The following WWOX variants were observed in gnomAD, a reference collection of about 807,000 sequenced individuals.
WWOX encodes WW domain-containing oxidoreductase.
WWOX carries 69 observed loss-of-function variants against 46.2 expected under a neutral mutation model. The ratio of observed to expected loss-of-function variants is 1.49; its 90% CI spans 1.23 to 1.82. The LOEUF is 1.82. Ranked by LOEUF, WWOX falls within the 40% of genes most tolerant of loss-of-function variation. The pLI is 0.00. For synonymous variants in WWOX, 359 were observed against 202.6 expected (o/e 1.77, Z -6.56); for missense variants, 919 against 542.6 (o/e 1.69, Z -6.89).
chr16:78,588,412 C>G (rs1463079906), intron 8 of WWOX, among the ~76,000 whole-genome samples: 1 of 152,178 alleles, frequency 6.6e-6, no homozygotes, highest in Non-Finnish European at 1.5e-5. Context: ...CTACTCTGTA[C>G]TCAGATGAGG....
At chr16:78,250,406 C>T (rs575309992) in intron 5 of WWOX, among the ~76,000 whole-genome samples, 4 of 152,176 alleles carry the variant, frequency 2.6e-5, no homozygotes, top group Admixed American at 6.5e-5. Flanking sequence ...GGAACAACAA[C>T]GAACAACATT....
At chr16:78,929,989 C>G (rs1453438432) in intron 8 of WWOX, among the ~76,000 whole-genome samples, 1 of 152,114 alleles carries the variant, frequency 6.6e-6, no homozygotes, top group Non-Finnish European at 1.5e-5. Context: ...GACCGTGTGA[C>G]CATGTGACCC....
At position 78,515,471 on chromosome 16, in the gene WWOX, A is replaced by T. The variant is rs576874236; in HGVS notation, c.1056+82719A>T. Among the ~76,000 whole-genome samples, 7 of 152,224 alleles carry T rather than the reference A, an allele frequency of 4.6e-5. No homozygotes were observed. The East Asian group carries it at 1.4e-3, about 29-fold the overall frequency. On this transcript the variant is annotated intron_variant, in intron 8 of 8. Coordinates refer to ENST00000566780, the MANE Select transcript of WWOX (RefSeq NM_016373.4). The stretch of plus-strand genomic sequence containing the variant: ...ACACCAGCTCTTTTTATTTATTTCT[A>T]ATGGTTTGCTTGGTGTACTGGTCAT...
Position 78,723,579 on chromosome 16 carries a change from T to C in WWOX, c.1056+290827T>C, listed in dbSNP as rs574104952. 4.4e-3 allele frequency among the ~76,000 whole-genome samples: 296 copies of C among 67,690 alleles called. 5 individuals are homozygous for C. Among genetic ancestry groups the C allele is most frequent in the African/African-American group, 0.019 (275 of 14,810 alleles). The allele number at this position is 67,690 out of a possible 152,430, so 44.4% of individuals were successfully genotyped here. On this transcript the variant is annotated intron_variant, in intron 8 of 8. Coordinates refer to ENST00000566780, the MANE Select transcript of WWOX (RefSeq NM_016373.4). ...CTTCTTTTCTTTTCTTTTCTTTTCT[T>C]TTCTTTTCTTTTCTTTTCTTTTCTT...
chr16:79,118,374 G>T (rs1267806321), intron 8 of WWOX, among the ~76,000 whole-genome samples: 1 of 152,094 alleles, frequency 6.6e-6, no homozygotes, highest in South Asian at 2.1e-4. Context: ...TGACAATGGG[G>T]ACATCAAAGA....
chr16:78,278,578 A>G (rs779987841), intron 5 of WWOX: 39 of 1,599,042 alleles, frequency 2.4e-5, no homozygotes, highest in Middle Eastern at 1.7e-4. Flanking sequence ...ATTTTACACA[A>G]CTGTCTTTTG....
At chr16:78,762,757 T>G (rs2049825288) in intron 8 of WWOX, among the ~76,000 whole-genome samples, 1 of 152,192 alleles carries the variant, frequency 6.6e-6, no homozygotes, top group Non-Finnish European at 1.5e-5. Flanking sequence ...ACATCCCAGC[T>G]GTGTATTGTG....
rs1287971951 is a variant in WWOX, at chr16:78,431,242, C to A, written c.792-1246C>A. 2.6e-5 allele frequency among the ~76,000 whole-genome samples: 4 copies of A among 152,282 alleles called. No individual in the cohort carries two copies. The East Asian group carries it at 7.7e-4, about 29-fold the overall frequency. On this transcript the variant is annotated intron_variant, in intron 7 of 8. Transcript: ENST00000566780. ...TTACGTTGATTTGTGTACATCCATG[C>A]CATGGGTATACTTAAAAACATTAGA...
rs921398162 is a variant in WWOX, at chr16:78,700,504, C to T, written c.1056+267752C>T. 3.0e-4 allele frequency among the ~76,000 whole-genome samples: 46 copies of T among 152,288 alleles called. 1 individual carries two copies. The highest frequency in any genetic ancestry group is 1.1e-3 in the African/African-American group (44 of 41,558). On this transcript the variant is annotated intron_variant, in intron 8 of 8. Coordinates refer to ENST00000566780, the MANE Select transcript of WWOX (RefSeq NM_016373.4). ...TGGAAGAGAGAGGAACATATTCAGT[C>T]CATAGCATGAACCAACCACGTGCAC...
rs996991584 is a variant in WWOX, at chr16:78,104,804, G to A, written c.108-3619G>A. 1.1e-4 allele frequency among the ~76,000 whole-genome samples: 16 copies of A among 152,014 alleles called. 1 individual carries two copies. The highest frequency in any genetic ancestry group is 1.0e-3 in the Admixed American group (16 of 15,250). On this transcript the variant is annotated intron_variant, in intron 1 of 8. Transcript: ENST00000566780. ...TTAAAAAAAAGTCTTCTATTGAAAG[G>A]TACAGTTCTTAGTTCTTCCCGTGTT...
chr16:78,203,073 C>A (rs1255925110), intron 5 of WWOX, among the ~76,000 whole-genome samples: 2 of 152,210 alleles, frequency 1.3e-5, no homozygotes, highest in Non-Finnish European at 2.9e-5. Flanking sequence ...CATCCTGCCT[C>A]AGCCTATCCT....
rs546626191 is a variant in WWOX, at chr16:78,469,999, C to T, written c.1056+37247C>T. Among the ~76,000 whole-genome samples the T allele has an allele frequency of 1.6e-4, 24 of 152,334 alleles. 1 individual carries two copies. Among genetic ancestry groups the T allele is most frequent in the Admixed American group, 6.5e-4 (10 of 15,296 alleles). On this transcript the variant is annotated intron_variant, in intron 8 of 8. Coordinates refer to ENST00000566780, the MANE Select transcript of WWOX (RefSeq NM_016373.4). ...TGCTAGCTGCTATAACAAATAAGCA[C>T]GCCTGTGCACAGTTGCTCAAAGATA...
chr16:78,394,592 A>G (rs2082245661), intron 6 of WWOX, among the ~76,000 whole-genome samples: 1 of 152,230 alleles, frequency 6.6e-6, no homozygotes, highest in Non-Finnish European at 1.5e-5. Flanking sequence ...ACATCAAAGT[A>G]TGACCGTAAA....
chr16:78,104,526 C>G (rs893621433), intron 1 of WWOX, among the ~76,000 whole-genome samples: 1 of 151,992 alleles, frequency 6.6e-6, no homozygotes, highest in Non-Finnish European at 1.5e-5. Flanking sequence ...CAGAAAACAC[C>G]CCATACGTGG....
At chr16:78,100,396 G>A (rs779597706) in intron 1 of WWOX, among the ~76,000 whole-genome samples, 1 of 152,144 alleles carries the variant, frequency 6.6e-6, no homozygotes, top group African/African-American at 2.4e-5. Flanking sequence ...GGGACTACAA[G>A]CGTGCACTAC....
At chr16:78,857,036 G>C (rs1166033949) in intron 8 of WWOX, among the ~76,000 whole-genome samples, 3 of 152,142 alleles carry the variant, frequency 2.0e-5, no homozygotes, top group Admixed American at 6.5e-5. Context: ...ACATAGAAAA[G>C]GTACAGTTAA....
intron 8 of WWOX, among the ~76,000 whole-genome samples, chr16:78,600,690 C>G (rs1038885043): frequency 6.6e-6 from 1 of 152,254 alleles, no homozygotes; most frequent in Non-Finnish European, 1.5e-5. Context: ...TGAAACTGCC[C>G]TAGAACGACA....
chr16:79,023,431 A>G (rs1052618196), intron 8 of WWOX, among the ~76,000 whole-genome samples: 5 of 152,114 alleles, frequency 3.3e-5, no homozygotes, highest in Non-Finnish European at 7.4e-5. Context: ...GGACAAAAGG[A>G]TGGGGCTGAC....
At chr16:78,559,619 C>G (rs1209855641) in intron 8 of WWOX, among the ~76,000 whole-genome samples, 2 of 152,236 alleles carry the variant, frequency 1.3e-5, no homozygotes, top group Non-Finnish European at 2.9e-5. Context: ...CAAATGGCCA[C>G]TGGCTTCATT....
Sources: allele counts gnomAD v4.1 joint callset (sites outside exome capture counted in the v4.1 genomes callset), GRCh38; gene constraint gnomAD v4.1.1; transcripts MANE v1.5; gene names NCBI Gene and HGNC (gene_info 2026-07-23, HGNC 2026-07-21).